The following DAB1 variants were observed in gnomAD, a reference collection of about 807,000 sequenced individuals.
The protein encoded by DAB1 is DAB adaptor protein 1.
In DAB1, 15 loss-of-function variants were observed where a neutral mutation model predicts 64.6. The ratio of observed to expected loss-of-function variants is 0.23; its 90% CI spans 0.16 to 0.36. DAB1 has a LOEUF of 0.36. Ranked by LOEUF, DAB1 falls within the 10% of genes least tolerant of loss-of-function variation. The pLI, the probability that DAB1 is intolerant of heterozygous loss-of-function variation, is 1.00. For missense variants in DAB1, 596 were observed against 706.7 expected, an observed-to-expected ratio of 0.84 and a Z score of 1.78; for synonymous variants, 235 against 251.9, an observed-to-expected ratio of 0.93 and a Z score of 0.64.
chr1:57,757,089 C>G (rs2101811830), intron 6 of DAB1, among the ~76,000 whole-genome samples: 1 of 151,954 alleles, frequency 6.6e-6, no homozygotes, highest in East Asian at 1.9e-4. Flanking sequence ...TAAGAATCAT[C>G]TGGGAATCTT....
At chr1:57,725,096 C>T (rs79375513) in intron 6 of DAB1, among the ~76,000 whole-genome samples, 1,940 of 152,296 alleles carry the variant, frequency 0.013, 47 homozygotes, top group African/African-American at 0.044. Context: ...TGGCCTAATA[C>T]AAACCCGGGT....
intron 5 of DAB1, among the ~76,000 whole-genome samples, chr1:58,033,921 G>A (rs535712680): frequency 2.1e-4 from 32 of 152,252 alleles, no homozygotes; most frequent in Non-Finnish European, 3.2e-4. Flanking sequence ...CAGGGATGAA[G>A]TGAAATTTGA....
chr1:58,279,618 G>A (rs894496626), intron 4 of DAB1, among the ~76,000 whole-genome samples: 22 of 152,256 alleles, frequency 1.4e-4, no homozygotes, highest in African/African-American at 4.6e-4. Context: ...GATTTGAGCC[G>A]AGGGCACAAA....
At chr1:58,187,590 A>T (rs545917819) in intron 4 of DAB1, among the ~76,000 whole-genome samples, 16 of 148,080 alleles carry the variant, frequency 1.1e-4, no homozygotes, top group African/African-American at 2.2e-4. Context: ...TTATTATTAT[A>T]ATTTTTGAGA....
intron 7 of DAB1, among the ~76,000 whole-genome samples, chr1:57,543,086 C>T (rs1233118484): frequency 6.6e-6 from 1 of 152,156 alleles, no homozygotes; most frequent in Non-Finnish European, 1.5e-5. Flanking sequence ...AGCTAACATG[C>T]AAACCAAGAG....
intron 5 of DAB1, among the ~76,000 whole-genome samples, chr1:58,053,767 T>C (rs935098139): frequency 6.6e-6 from 1 of 152,244 alleles, no homozygotes; most frequent in Admixed American, 6.5e-5. Flanking sequence ...TTCCTAGTTA[T>C]GGCAGAGAAC....
intron 4 of DAB1, among the ~76,000 whole-genome samples, chr1:58,178,345 C>A (rs1377002863): frequency 6.6e-6 from 1 of 152,130 alleles, no homozygotes; most frequent in Non-Finnish European, 1.5e-5. Flanking sequence ...CACATATACG[C>A]TATTATGGGC....
At chr1:57,482,895 C>T (rs577588539) in intron 7 of DAB1, among the ~76,000 whole-genome samples, 8 of 152,258 alleles carry the variant, frequency 5.3e-5, no homozygotes, top group Admixed American at 4.6e-4. Context: ...CCCTGTCTTA[C>T]TTCAACACAA....
intron 4 of DAB1, among the ~76,000 whole-genome samples, chr1:58,311,944 G>A (rs934338933): frequency 3.9e-5 from 6 of 152,124 alleles, no homozygotes; most frequent in Non-Finnish European, 7.3e-5. Flanking sequence ...ACAAAAGTTA[G>A]GCAGTTGCTG....
chr1:58,073,467 C>T (rs774464399), intron 5 of DAB1, among the ~76,000 whole-genome samples: 9 of 152,170 alleles, frequency 5.9e-5, no homozygotes, highest in South Asian at 4.1e-4. Context: ...ACATTCTGTA[C>T]TTGCTCTCCC....
chr1:57,753,529 A>G (rs1429441139), intron 6 of DAB1, among the ~76,000 whole-genome samples: 2 of 152,238 alleles, frequency 1.3e-5, no homozygotes, highest in African/African-American at 2.4e-5. Context: ...TCTCATATGT[A>G]AAATGGGAAT....
downstream of DAB1, chr1:57,825,987 T>A (rs1652332931): frequency 6.6e-6 from 1 of 152,184 alleles, no homozygotes; most frequent in Admixed American, 6.5e-5. Flanking sequence ...TGTCACACTG[T>A]AACAGGTGTG....
intron 9 of DAB1, among the ~76,000 whole-genome samples, chr1:57,038,250 C>T (rs1421628599): frequency 6.6e-6 from 1 of 152,100 alleles, no homozygotes; most frequent in Admixed American, 6.5e-5. Context: ...TAGACAGTAC[C>T]ATGAAATCAA....
chr1:58,383,242 G>T (rs1644405194), intron 3 of DAB1, among the ~76,000 whole-genome samples: 2 of 152,074 alleles, frequency 1.3e-5, no homozygotes. Flanking sequence ...TATTTAAAAG[G>T]ATCAAATATA....
At chr1:57,022,179 T>G (rs947253630) in intron 11 of DAB1, among the ~76,000 whole-genome samples, 1 of 152,134 alleles carries the variant, frequency 6.6e-6, no homozygotes, top group African/African-American at 2.4e-5. Flanking sequence ...GCCTGCAAAT[T>G]TGTAAGTTTG....
intron 2 of DAB1, among the ~76,000 whole-genome samples, chr1:57,284,442 C>T (rs4265453): frequency 0.016 from 2,366 of 152,220 alleles, 22 homozygotes; most frequent in African/African-American, 0.054. Context: ...ATGCCCCGTC[C>T]TACATTTCAA....
intron 3 of DAB1, among the ~76,000 whole-genome samples, chr1:58,454,657 G>A (rs1319847884): frequency 6.6e-6 from 1 of 152,074 alleles, no homozygotes; most frequent in Non-Finnish European, 1.5e-5. Context: ...CCCACCACCT[G>A]GGGACCCTCC....
At chr1:57,570,095 T>C (rs989641225) in intron 7 of DAB1, among the ~76,000 whole-genome samples, 1 of 152,112 alleles carries the variant, frequency 6.6e-6, no homozygotes, top group Non-Finnish European at 1.5e-5. Context: ...GGTGTTCCCA[T>C]AGGAGATTAA....
intron 5 of DAB1, among the ~76,000 whole-genome samples, chr1:57,981,713 G>A (rs1369384548): frequency 1.3e-5 from 2 of 152,098 alleles, no homozygotes; most frequent in Non-Finnish European, 1.5e-5. Context: ...CATCATAATT[G>A]TCCTCCATCT....
Sources: gnomAD v4.1 joint callset for allele counts (sites outside exome capture counted in the v4.1 genomes callset) on GRCh38, gnomAD v4.1.1 for gene constraint, MANE v1.5 for transcripts, NCBI Gene and HGNC (gene_info 2026-07-23, HGNC 2026-07-21) for gene names.